Variants in IMMP2L observed in about 807,000 individuals in gnomAD.
The protein encoded by IMMP2L is inner mitochondrial membrane peptidase subunit 2, also known as mitochondrial inner membrane protease subunit 2.
IMMP2L carries 18 observed loss-of-function variants against 19.3 expected under a neutral mutation model. The observed-to-expected ratio is 0.93, with a 90% confidence interval of 0.64 to 1.38. The LOEUF is 1.38. IMMP2L is among the 40% of genes most tolerant of loss of function. The probability of loss-of-function intolerance (pLI) is 0.00; values close to 1 mark genes in which losing one functional copy is unlikely to be tolerated. For missense variants in IMMP2L, 233 were observed against 218.2 expected (o/e 1.07, Z -0.43); for synonymous variants, 76 against 73.0 (o/e 1.04, Z -0.21).
chr7:110,775,186 C>A (rs1283324022), intron 5 of IMMP2L, among the ~76,000 whole-genome samples: 2 of 150,810 alleles, frequency 1.3e-5, no homozygotes, highest in African/African-American at 4.9e-5. Context: ...TGAGATCATG[C>A]CTGTTTTCTT....
chr7:110,823,560 T>G (rs1803216560), intron 5 of IMMP2L, among the ~76,000 whole-genome samples: 1 of 152,108 alleles, frequency 6.6e-6, no homozygotes, highest in Non-Finnish European at 1.5e-5. Context: ...AGGGACATTC[T>G]GCTAAATAAA....
At chr7:110,860,366 G>A (rs1371209080) in intron 5 of IMMP2L, among the ~76,000 whole-genome samples, 3 of 151,936 alleles carry the variant, frequency 2.0e-5, no homozygotes, top group Admixed American at 6.6e-5. Context: ...TCTGTATGTA[G>A]TACATTCTTG....
chr7:111,029,417 A>G lies in IMMP2L; in HGVS notation c.240-65852T>C, dbSNP rs190111898. 2.4e-3 allele frequency among the ~76,000 whole-genome samples: 366 copies of G among 152,316 alleles called. 3 individuals are homozygous for G. Among genetic ancestry groups the G allele is most frequent in the African/African-American group, 8.4e-3 (350 of 41,574 alleles). On this transcript the variant is annotated intron_variant, in intron 3 of 5. Transcript: ENST00000405709. ...TTGGAGGTGAAAAAATGGAAACATA[A>G]AAAGGTCAAGTGACATATTTAGATC...
intron 3 of IMMP2L, among the ~76,000 whole-genome samples, chr7:111,189,373 GA>G (rs10595657): frequency 0.21 from 30,031 of 145,050 alleles, 4,096 homozygotes; most frequent in African/African-American, 0.4. Flanking sequence ...CTTTTTTAAT[GA>G]AAAAAAAAAA....
At chr7:111,001,602 T>C (rs934579136) in intron 3 of IMMP2L, among the ~76,000 whole-genome samples, 3 of 152,158 alleles carry the variant, frequency 2.0e-5, no homozygotes, top group Admixed American at 1.3e-4. Context: ...ACACCTTACA[T>C]GAATCAATTA....
intron 3 of IMMP2L, among the ~76,000 whole-genome samples, chr7:111,223,765 T>G (rs777228473): frequency 5.3e-5 from 8 of 152,116 alleles, no homozygotes; most frequent in Admixed American, 1.3e-4. Flanking sequence ...TTGGCTGATA[T>G]TTATTAAGTT....
At chr7:110,813,748 A>AATT (rs1554425027) in intron 5 of IMMP2L, among the ~76,000 whole-genome samples, 2 of 149,570 alleles carry the variant, frequency 1.3e-5, no homozygotes, top group African/African-American at 2.4e-5. Flanking sequence ...ACACACCAGG[A>AATT]TTTTTTTTTT....
At chr7:110,786,677 G>A (rs916761005) in intron 5 of IMMP2L, among the ~76,000 whole-genome samples, 3 of 151,928 alleles carry the variant, frequency 2.0e-5, no homozygotes, top group African/African-American at 7.2e-5. Flanking sequence ...CCACAAATTG[G>A]CGAACAATTA....
intron 4 of IMMP2L, among the ~76,000 whole-genome samples, chr7:110,918,452 C>CTT (rs1029668134): frequency 0.043 from 5,544 of 130,410 alleles, 407 homozygotes; most frequent in African/African-American, 0.15. Context: ...TTCTTTTTTT[C>CTT]TTTTTTTTTT....
intron 3 of IMMP2L, among the ~76,000 whole-genome samples, chr7:111,128,427 C>T (rs924039455): frequency 6.6e-6 from 1 of 152,106 alleles, no homozygotes; most frequent in African/African-American, 2.4e-5. Flanking sequence ...AAATGTTTTA[C>T]TCATCACAAT....
intron 3 of IMMP2L, among the ~76,000 whole-genome samples, chr7:111,139,645 A>C (rs1283579570): frequency 6.6e-6 from 1 of 152,164 alleles, no homozygotes; most frequent in Non-Finnish European, 1.5e-5. Flanking sequence ...TCCCATCTAG[A>C]AAGTTGTTCT....
intron 3 of IMMP2L, among the ~76,000 whole-genome samples, chr7:111,058,770 C>A (rs1340400391): frequency 2.0e-5 from 3 of 152,104 alleles, no homozygotes; most frequent in African/African-American, 7.2e-5. Context: ...AAACACCCAC[C>A]CCCAACAAAT....
intron 3 of IMMP2L, among the ~76,000 whole-genome samples, chr7:111,288,622 C>T (rs868401566): frequency 6.6e-6 from 1 of 152,246 alleles, no homozygotes; most frequent in Middle Eastern, 3.4e-3. Context: ...TATGAACAGA[C>T]ACTTCTCAAA....
intron 5 of IMMP2L, among the ~76,000 whole-genome samples, chr7:110,839,668 G>A (rs570271603): frequency 5.3e-5 from 8 of 151,922 alleles, no homozygotes; most frequent in Non-Finnish European, 1.2e-4. Context: ...TGGATAATGA[G>A]GGCTATGTAT....
chr7:110,779,780 C>T, intron 5 of IMMP2L, among the ~76,000 whole-genome samples: 1 of 151,712 alleles, frequency 6.6e-6, no homozygotes, highest in East Asian at 1.9e-4. Flanking sequence ...ATTTATTTTC[C>T]TGGCAGGATC....
chr7:110,840,262 C>A (rs1031464994), intron 5 of IMMP2L, among the ~76,000 whole-genome samples: 1 of 152,048 alleles, frequency 6.6e-6, no homozygotes, highest in African/African-American at 2.4e-5. Context: ...GCTTCGCCAT[C>A]CCGGTTTTCT....
chr7:111,084,856 C>G lies in IMMP2L; in HGVS notation c.240-121291G>C, dbSNP rs146382683. ...AAATATTGATAGCTCTTCTGAGAAA[C>G]TTAATGTGAGGAGAACAGAGAAGGA... On this transcript the variant is annotated intron_variant, in intron 3 of 5. Transcript: ENST00000405709. 1.2e-3 allele frequency among the ~76,000 whole-genome samples: 185 copies of G among 152,186 alleles called. 1 individual carries two copies. The highest frequency in any genetic ancestry group is 3.4e-3 in the Middle Eastern group (1 of 294).
At chr7:111,044,422 A>G (rs1156678849) in intron 3 of IMMP2L, among the ~76,000 whole-genome samples, 3 of 152,144 alleles carry the variant, frequency 2.0e-5, no homozygotes, top group African/African-American at 2.4e-5. Context: ...TTAGCTGGGC[A>G]TGGTGATGAG....
At chr7:111,117,018 A>C (rs1799957736) in intron 3 of IMMP2L, among the ~76,000 whole-genome samples, 1 of 152,132 alleles carries the variant, frequency 6.6e-6, no homozygotes, top group Non-Finnish European at 1.5e-5. Flanking sequence ...TTAATGATTA[A>C]AGTAACTCTC....
Sources: allele counts gnomAD v4.1 joint callset (sites outside exome capture counted in the v4.1 genomes callset), GRCh38; gene constraint gnomAD v4.1.1; transcripts MANE v1.5; gene names NCBI Gene and HGNC (gene_info 2026-07-23, HGNC 2026-07-21).